Variants in NPAS3 observed in about 807,000 individuals in gnomAD.
NPAS3 encodes neuronal PAS domain-containing protein 3.
In NPAS3, 14 loss-of-function variants were observed where a neutral mutation model predicts 73.1. The observed-to-expected ratio is 0.19, with a 90% CI of 0.13 to 0.30. The LOEUF (loss-of-function observed/expected upper bound fraction) is 0.30. NPAS3 is among the 10% of genes least tolerant of loss of function. The pLI is 1.00. For synonymous variants in NPAS3, 620 were observed against 541.5 expected, an observed-to-expected ratio of 1.14 and a Z score of -2.01; for missense variants, 1,096 against 1,250.0, an observed-to-expected ratio of 0.88 and a Z score of 1.86.
chr14:33,240,552 T>C (rs1384744023), intron 3 of NPAS3, among the ~76,000 whole-genome samples: 1 of 150,348 alleles, frequency 6.7e-6, no homozygotes, highest in African/African-American at 2.5e-5. Context: ...GTAACATATA[T>C]TATTTTGTAT....
intron 6 of NPAS3, among the ~76,000 whole-genome samples, chr14:33,682,383 G>C (rs1050916495): frequency 1.2e-4 from 18 of 152,334 alleles, no homozygotes; most frequent in Middle Eastern, 3.4e-3. Context: ...AACCCAAAGA[G>C]ATCATCATTT....
chr14:33,518,380 A>T (rs776455972), intron 4 of NPAS3, among the ~76,000 whole-genome samples: 3 of 152,068 alleles, frequency 2.0e-5, no homozygotes, highest in Non-Finnish European at 4.4e-5. Flanking sequence ...ATTGAATCTG[A>T]TAATAGAAAT....
intron 6 of NPAS3, among the ~76,000 whole-genome samples, chr14:33,690,475 G>A (rs930395208): frequency 2.0e-5 from 3 of 152,070 alleles, no homozygotes; most frequent in Non-Finnish European, 2.9e-5. Context: ...TCAAGCCAAT[G>A]ACCTACAGGT....
intron 4 of NPAS3, among the ~76,000 whole-genome samples, chr14:33,404,217 C>G (rs1301566555): frequency 6.6e-6 from 1 of 152,066 alleles, no homozygotes; most frequent in Non-Finnish European, 1.5e-5. Flanking sequence ...AAACCAAGTC[C>G]TTCATTGAGG....
At chr14:33,066,269 T>C (rs2041275763) in intron 2 of NPAS3, among the ~76,000 whole-genome samples, 2 of 152,130 alleles carry the variant, frequency 1.3e-5, no homozygotes, top group African/African-American at 2.4e-5. Context: ...AGGAGAGGTT[T>C]GGAGAAACAT....
At position 33,466,916 on chromosome 14, in the gene NPAS3, G is replaced by A. The variant is rs75976070; in HGVS notation, c.469-93205G>A. ...ACAATCAGACATGAGATTTGGTGAG[G>A]ACACAGATCCAAACCATATCACTCC... On this transcript the variant is annotated intron_variant, in intron 4 of 11. Transcript: ENST00000356141. Among the ~76,000 whole-genome samples, 93 of 152,256 alleles carry A rather than the reference G, an allele frequency of 6.1e-4. No individual in the cohort carries two copies. The East Asian group carries it at 0.016, about 26-fold the overall frequency.
At chr14:33,543,745 A>G (rs2054623951) in intron 4 of NPAS3, among the ~76,000 whole-genome samples, 1 of 152,024 alleles carries the variant, frequency 6.6e-6, no homozygotes, top group Non-Finnish European at 1.5e-5. Flanking sequence ...CACCTTGAGC[A>G]CTATCATTCT....
intron 1 of NPAS3, among the ~76,000 whole-genome samples, chr14:33,000,882 C>T (rs2038782163): frequency 6.6e-6 from 1 of 152,126 alleles, no homozygotes; most frequent in African/African-American, 2.4e-5. Flanking sequence ...TGGGGGAAAT[C>T]ATTTTAGGAA....
chr14:33,145,783 C>T (rs2044217282), intron 2 of NPAS3, among the ~76,000 whole-genome samples: 1 of 152,160 alleles, frequency 6.6e-6, no homozygotes, highest in Non-Finnish European at 1.5e-5. Context: ...GTCTTTGCAA[C>T]TCTCCTAATG....
At chr14:33,291,573 A>C (rs2140111482) in intron 3 of NPAS3, among the ~76,000 whole-genome samples, 1 of 152,374 alleles carries the variant, frequency 6.6e-6, no homozygotes, top group South Asian at 2.1e-4. Flanking sequence ...ATTACTAATT[A>C]GTTAAAAATT....
intron 3 of NPAS3, among the ~76,000 whole-genome samples, chr14:33,355,390 T>C (rs1594758102): frequency 6.6e-6 from 1 of 152,164 alleles, no homozygotes; most frequent in African/African-American, 2.4e-5. Context: ...ATCCTCCGCC[T>C]CCCAGGTTCA....
At chr14:33,046,741 C>T (rs1440843615) in intron 1 of NPAS3, among the ~76,000 whole-genome samples, 1 of 152,082 alleles carries the variant, frequency 6.6e-6, no homozygotes, top group African/African-American at 2.4e-5. Context: ...TTTGAGAGGC[C>T]GAGGCAGGTG....
At chr14:33,538,000 A>G (rs1358500715) in intron 4 of NPAS3, among the ~76,000 whole-genome samples, 1 of 152,150 alleles carries the variant, frequency 6.6e-6, no homozygotes, top group Admixed American at 6.5e-5. Flanking sequence ...TTCCCTGCCC[A>G]TAAGCTAAGC....
At chr14:33,083,284 G>C (rs1039634552) in intron 2 of NPAS3, among the ~76,000 whole-genome samples, 2 of 148,218 alleles carry the variant, frequency 1.3e-5, no homozygotes, top group East Asian at 2.0e-4. Flanking sequence ...GCAATCATAT[G>C]AGGGTAGAGA....
intron 5 of NPAS3, among the ~76,000 whole-genome samples, chr14:33,565,708 C>CA (rs1567010322): frequency 6.6e-6 from 1 of 151,852 alleles, no homozygotes; most frequent in Non-Finnish European, 1.5e-5. Flanking sequence ...AATATAAAGA[C>CA]AAAAAAGGTA....
intron 2 of NPAS3, among the ~76,000 whole-genome samples, chr14:33,173,413 T>TGTC (rs1258261800): frequency 6.6e-6 from 1 of 152,204 alleles, no homozygotes; most frequent in Non-Finnish European, 1.5e-5. Flanking sequence ...GTATAGGAAC[T>TGTC]GTCCTATTTG....
intron 3 of NPAS3, among the ~76,000 whole-genome samples, chr14:33,286,526 G>C (rs1448148415): frequency 6.6e-6 from 1 of 152,134 alleles, no homozygotes; most frequent in Non-Finnish European, 1.5e-5. Flanking sequence ...CTAAATACTT[G>C]TGCTTATTGA....
At chr14:33,765,402 G>A (rs776636277) in intron 7 of NPAS3, among the ~76,000 whole-genome samples, 32 of 152,078 alleles carry the variant, frequency 2.1e-4, no homozygotes, top group Admixed American at 3.9e-4. Flanking sequence ...GAATTAATCA[G>A]GAGCTCAGCC....
At chr14:33,392,842 TC>T (rs2047066467) in intron 4 of NPAS3, among the ~76,000 whole-genome samples, 1 of 152,120 alleles carries the variant, frequency 6.6e-6, no homozygotes, top group South Asian at 2.1e-4. Context: ...TGTTTTTTCT[TC>T]CTCTGCTATC....
Sources: gnomAD v4.1 joint callset for allele counts (sites outside exome capture counted in the v4.1 genomes callset) on GRCh38, gnomAD v4.1.1 for gene constraint, MANE v1.5 for transcripts, NCBI Gene and HGNC (gene_info 2026-07-23, HGNC 2026-07-21) for gene names.